DIP2A: variants seen among roughly 807,000 people sequenced by gnomAD.
DIP2A encodes DIP2 acetate--CoA ligase A.
In DIP2A, 85 loss-of-function variants were observed where a neutral mutation model predicts 177.4. The observed-to-expected ratio is 0.48, with a 90% confidence interval of 0.40 to 0.57. DIP2A has a LOEUF of 0.57. DIP2A is among the 20% of genes least tolerant of loss of function. DIP2A has a pLI of 0.00. For missense variants in DIP2A, 1,791 were observed against 2,100.2 expected (o/e 0.85, Z 2.88); for synonymous variants, 886 against 881.8 (o/e 1.00, Z -0.08).
In DIP2A at chr21:46,550,566, G is replaced by A; in HGVS notation, c.2661G>A (p.Val887=). 6.2e-7 allele frequency: 1 copy of A among 1,613,414 alleles called. No individual in the cohort carries two copies. The highest frequency in any genetic ancestry group is 8.5e-7 in the Non-Finnish European group (1 of 1,179,706). Residue 887 remains valine, a synonymous_variant, in exon 23 of 38, where the codon GTG becomes GTA. Coordinates refer to ENST00000417564, the MANE Select transcript of DIP2A (RefSeq NM_015151.4). ...VLQAIDSIHQ[V]GVYCLALVPA... ...AGGCCATTGATAGCATCCACCAGGT[G>A]GGCGTGTACTGTCTGGCCCTGGTTC...
the DIP2A span, among the ~76,000 whole-genome samples, chr21:46,576,217 A>G: frequency 1.3e-5 from 2 of 152,164 alleles, no homozygotes; most frequent in African/African-American, 4.8e-5. Context: ...TGCTGCACCT[A>G]TCAACCAATC....
intron 18 of DIP2A, 147 bp downstream of exon 18, chr21:46,542,042 A>G: frequency 1.1e-6 from 1 of 887,730 alleles, no homozygotes; most frequent in Non-Finnish European, 1.7e-6. Flanking sequence ...TCCGCCTCCC[A>G]GGTTCAAGCG....
chr21:46,488,056 T>C (rs1385730409), intron 2 of DIP2A, among the ~76,000 whole-genome samples: 1 of 152,150 alleles, frequency 6.6e-6, no homozygotes, highest in Non-Finnish European at 1.5e-5. Flanking sequence ...CTAAACCTGA[T>C]TGTATATGCT....
rs773265937 is a variant in DIP2A, at chr21:46,459,151, C to G, written c.20C>G (p.Pro7Arg). MADRGCPLEAAPLPAEV... is the reference protein window; with the variant it reads MADRGCRLEAAPLPAEV... Reference sequence around the variant, plus strand: ...CTGGCCATGGCTGACCGCGGGTGCCCGCTGGAGGCGGCGCCGCTGCCTGCC... The same window carrying G: ...CTGGCCATGGCTGACCGCGGGTGCCGGCTGGAGGCGGCGCCGCTGCCTGCC... The change falls in exon 1 of 38, where the codon CCG becomes CGG. Residue 7 changes from proline (P) to arginine (R), a missense_variant. Pro to Arg is a moderately radical substitution (Grantham distance 103). Coordinates refer to ENST00000417564, the MANE Select transcript of DIP2A (RefSeq NM_015151.4). 2.0e-6 allele frequency: 3 copies of G among 1,517,680 alleles called. No individual in the cohort carries two copies. In the Admixed American group the frequency reaches 6.2e-5, roughly 32 times the overall value. The allele number at this position is 1,517,680 out of a possible 1,614,324, so 94.0% of individuals were successfully genotyped here.
chr21:46,530,107 T>C (rs2059293740), intron 9 of DIP2A, among the ~76,000 whole-genome samples: 1 of 152,214 alleles, frequency 6.6e-6, no homozygotes, highest in Admixed American at 6.5e-5. Flanking sequence ...AAACTTCTGT[T>C]GGACAGTACT....
chr21:46,501,441 A>G (rs2057643909), intron 5 of DIP2A, among the ~76,000 whole-genome samples: 1 of 151,538 alleles, frequency 6.6e-6, no homozygotes, highest in Non-Finnish European at 1.5e-5. Context: ...CCACCTAGAG[A>G]CAGGGTCTTG....
At chr21:46,572,166 A>G (rs140097441), downstream of DIP2A, among the ~76,000 whole-genome samples, 22 of 152,356 alleles carry the variant, frequency 1.4e-4, no homozygotes, top group African/African-American at 4.3e-4. Context: ...AAGTTTATAA[A>G]GATGTCTAAA....
chr21:46,472,868 A>G (rs1296481252), intron 1 of DIP2A, among the ~76,000 whole-genome samples: 2 of 152,346 alleles, frequency 1.3e-5, no homozygotes, highest in East Asian at 3.9e-4. Context: ...TGTTGCCTCT[A>G]GAATGGCACT....
intron 3 of DIP2A, among the ~76,000 whole-genome samples, chr21:46,495,239 CT>C (rs746512454): frequency 0.013 from 615 of 45,670 alleles, 1 homozygote; most frequent in African/African-American, 0.019. Flanking sequence ...CTTCTCTTCT[CT>C]TCTTTCTCTC....
intron 15 of DIP2A, among the ~76,000 whole-genome samples, chr21:46,538,188 C>T (rs879468499): frequency 5.9e-5 from 9 of 151,984 alleles, no homozygotes; most frequent in Admixed American, 3.9e-4. Flanking sequence ...TGAGATGAAG[C>T]GGGCAGATAG....
intron 20 of DIP2A, among the ~76,000 whole-genome samples, 185 bp from the exon 21 acceptor site, chr21:46,546,730 C>T (rs1253101482): frequency 6.6e-6 from 1 of 152,264 alleles, no homozygotes; most frequent in Admixed American, 6.5e-5. Context: ...ACAGCCTGCC[C>T]CTGTTCCAGG....
intron 16 of DIP2A, 58 bp from the exon 17 acceptor site, chr21:46,539,819 C>T (rs755128298): frequency 1.4e-6 from 2 of 1,399,918 alleles, no homozygotes; most frequent in Non-Finnish European, 2.0e-6. Flanking sequence ...GTCCAGCCAC[C>T]CCTTCCCTGC....
At chr21:46,567,235 G>T in intron 37 of DIP2A, 135 bp from the exon 38 acceptor site, 3 of 1,308,588 alleles carry the variant, frequency 2.3e-6, no homozygotes, top group Non-Finnish European at 3.2e-6. Flanking sequence ...CTGATCTTTA[G>T]ATTGTAAATG....
At chr21:46,546,171 C>A in intron 20 of DIP2A, 1 of 1,351,978 alleles carries the variant, frequency 7.4e-7, no homozygotes, top group Non-Finnish European at 9.5e-7. Context: ...GCACACAGGC[C>A]TGAGTCGGGG....
chr21:46,536,550 A>G (rs1008018143), intron 13 of DIP2A, among the ~76,000 whole-genome samples: 2 of 152,348 alleles, frequency 1.3e-5, no homozygotes, highest in South Asian at 4.1e-4. Flanking sequence ...TATCCCTGAC[A>G]GTTTTTCATC....
chr21:46,530,456 C>T (rs1014625450), intron 9 of DIP2A, among the ~76,000 whole-genome samples: 39 of 152,148 alleles, frequency 2.6e-4, no homozygotes, highest in African/African-American at 9.2e-4. Context: ...AAAGAGGAAA[C>T]AACAAGGAAA....
At chr21:46,560,857 A>G (rs1406821333) in intron 33 of DIP2A, 74 bp downstream of exon 33, 22 of 1,541,334 alleles carry the variant, frequency 1.4e-5, no homozygotes, top group Admixed American at 2.0e-5. Flanking sequence ...TGCACTGACT[A>G]TGCACCCCCG....
At chr21:46,566,424 G>A (rs1485269013) in intron 36 of DIP2A, 136 bp from the exon 37 acceptor site, 10 of 1,170,656 alleles carry the variant, frequency 8.5e-6, no homozygotes, top group South Asian at 3.0e-5. Flanking sequence ...CTTTCTGCAC[G>A]TGGTGTGCGA....
chr21:46,522,458 A>T (rs188110032), intron 8 of DIP2A, among the ~76,000 whole-genome samples: 33 of 152,344 alleles, frequency 2.2e-4, no homozygotes, highest in African/African-American at 7.9e-4. Flanking sequence ...TCCAAAAATC[A>T]AAGTTCTCAT....
Sources: gnomAD v4.1 joint callset for allele counts (sites outside exome capture counted in the v4.1 genomes callset) on GRCh38, gnomAD v4.1.1 for gene constraint, MANE v1.5 for transcripts, NCBI Gene and HGNC (gene_info 2026-07-23, HGNC 2026-07-21) for gene names.